Variants in APBB1IP observed in about 807,000 individuals in gnomAD.
The protein encoded by APBB1IP is amyloid beta A4 precursor protein-binding family B member 1-interacting protein.
A neutral mutation model predicts 64.9 loss-of-function variants in APBB1IP; 27 were observed. The observed-to-expected ratio is 0.42, with a 90% confidence interval of 0.31 to 0.57. The LOEUF is 0.57. APBB1IP is among the 20% of genes least tolerant of loss of function. APBB1IP has a pLI of 0.20. For synonymous variants in APBB1IP, 392 were observed against 331.0 expected (o/e 1.18, Z -2.00); for missense variants, 812 against 845.5 (o/e 0.96, Z 0.49).
intron 11 of APBB1IP, among the ~76,000 whole-genome samples, chr10:26,544,858 T>C (rs1370975843): frequency 6.6e-6 from 1 of 152,198 alleles, no homozygotes. Flanking sequence ...CCAGAATTTC[T>C]AAAACTTCCT....
In APBB1IP at chr10:26,567,582, G is replaced by T; in HGVS notation, c.*94G>T. ...TTGCCCTGACATCTTGTTCATTTCA[G>T]ATAAAATGTGATGGGAAACTTCTCA... On this transcript the variant is annotated 3_prime_UTR_variant, in exon 15 of 15. Transcript: ENST00000376236. The T allele has an allele frequency of 6.9e-7, 1 of 1,458,424 alleles. No individual in the cohort carries two copies. The highest frequency in any genetic ancestry group is 9.2e-7 in the Non-Finnish European group (1 of 1,085,214). The allele number at this position is 1,458,424 out of a possible 1,614,324, so 90.3% of individuals were successfully genotyped here. A position where few individuals can be genotyped will look rare whatever the true frequency, so the allele number is the denominator to read the frequency against.
chr10:26,451,239 T>A (rs1835462271), intron 2 of APBB1IP, among the ~76,000 whole-genome samples: 1 of 152,140 alleles, frequency 6.6e-6, no homozygotes, highest in South Asian at 2.1e-4. Context: ...GGAGTCACAT[T>A]AGAGTTGCCT....
chr10:26,461,978 T>A (rs969808671), intron 2 of APBB1IP, among the ~76,000 whole-genome samples: 3 of 152,250 alleles, frequency 2.0e-5, no homozygotes, highest in Non-Finnish European at 2.9e-5. Flanking sequence ...GAATTGTTTA[T>A]GTAGACAATT....
At chr10:26,454,311 G>A (rs1050132118) in intron 2 of APBB1IP, among the ~76,000 whole-genome samples, 1 of 151,874 alleles carries the variant, frequency 6.6e-6, no homozygotes, top group African/African-American at 2.4e-5. Flanking sequence ...CGTGGTGGTG[G>A]ATGCCTGTAG....
intron 8 of APBB1IP, among the ~76,000 whole-genome samples, chr10:26,528,176 G>T (rs991973252): frequency 5.9e-5 from 9 of 152,138 alleles, no homozygotes; most frequent in Admixed American, 5.9e-4. Flanking sequence ...CAAACCCAAC[G>T]TAAGTGAAGC....
chr10:26,563,442 G>A (rs541885142), intron 14 of APBB1IP, among the ~76,000 whole-genome samples: 44 of 152,158 alleles, frequency 2.9e-4, no homozygotes, highest in Non-Finnish European at 6.0e-4. Context: ...ACATCCCCAG[G>A]TGATGGAGGA....
intron 2 of APBB1IP, among the ~76,000 whole-genome samples, chr10:26,444,407 G>A (rs960122870): frequency 2.6e-5 from 4 of 152,180 alleles, no homozygotes; most frequent in African/African-American, 9.7e-5. Flanking sequence ...CACTCTGACT[G>A]CTTGAGAATA....
intron 14 of APBB1IP, among the ~76,000 whole-genome samples, chr10:26,566,433 T>G (rs1837044940): frequency 1.3e-5 from 2 of 152,164 alleles, no homozygotes; most frequent in South Asian, 4.1e-4. Context: ...TTTTGTATTT[T>G]TAAAGGAGAA....
At chr10:26,497,614 A>T (rs1035474196) in intron 4 of APBB1IP, among the ~76,000 whole-genome samples, 6 of 152,158 alleles carry the variant, frequency 3.9e-5, no homozygotes, top group African/African-American at 1.4e-4. Context: ...ACTCTGGAAA[A>T]AGATTTCCCA....
intron 2 of APBB1IP, among the ~76,000 whole-genome samples, chr10:26,469,969 C>T (rs1399534541): frequency 1.3e-5 from 2 of 152,128 alleles, no homozygotes; most frequent in Non-Finnish European, 2.9e-5. Context: ...CTAACTACAA[C>T]CAACAACAAC....
chr10:26,469,258 C>CTTTTTTTTTTTTTTTTTT (rs386361721), intron 2 of APBB1IP, among the ~76,000 whole-genome samples: 13 of 112,946 alleles, frequency 1.2e-4, no homozygotes, highest in African/African-American at 3.2e-4. Flanking sequence ...CTTTTCTTTT[C>CTTTTTTTTTTTTTTTTTT]TTTTTTTTTT....
intron 5 of APBB1IP, among the ~76,000 whole-genome samples, chr10:26,502,428 T>C (rs1836116114): frequency 6.6e-6 from 1 of 152,066 alleles, no homozygotes; most frequent in African/African-American, 2.4e-5. Context: ...GGTCATGAGG[T>C]CAGGAGATGG....
intron 2 of APBB1IP, among the ~76,000 whole-genome samples, chr10:26,491,076 T>G (rs555192808): frequency 6.6e-6 from 1 of 152,148 alleles, no homozygotes; most frequent in Admixed American, 6.5e-5. Flanking sequence ...GTCAGGAGTT[T>G]GAGACCAGCC....
chr10:26,438,900 G>A (rs1835309229), intron 2 of APBB1IP, 47 bp downstream of exon 2: 1 of 152,160 alleles, frequency 6.6e-6, no homozygotes, highest in African/African-American at 2.4e-5. Flanking sequence ...GCCAGCACGG[G>A]CCCCTCGGGG....
rs760566021 is a variant in APBB1IP, at chr10:26,567,149, GCCGCCGCCGCCA to G, written c.1674_1685del (p.Pro559_Pro562del). Reference sequence around the variant, plus strand: ...TGCCCGCCCCACCCGACGACTTCCTGCCGCCGCCGCCACCGCCGCCGCCCCTCGATGACCCTG... The same window carrying G: ...TGCCCGCCCCACCCGACGACTTCCTGCCGCCGCCGCCCCTCGATGACCCTG... On this transcript the variant is annotated inframe_deletion, in exon 15 of 15. Coordinates refer to ENST00000376236, the MANE Select transcript of APBB1IP (RefSeq NM_019043.4). The G allele has an allele frequency of 2.3e-4, 327 of 1,413,622 alleles. 4 individuals carry two copies. In the South Asian group the frequency reaches 4.3e-3, roughly 19 times the overall value. The allele number at this position is 1,413,622 out of a possible 1,614,324, so 87.6% of individuals were successfully genotyped here.
chr10:26,497,529 C>A (rs1405119027), intron 4 of APBB1IP, among the ~76,000 whole-genome samples: 1 of 151,190 alleles, frequency 6.6e-6, no homozygotes. Flanking sequence ...CCAACCTGGG[C>A]GGCAGAGCGA....
At chr10:26,507,707 T>A (rs999955903) in intron 6 of APBB1IP, among the ~76,000 whole-genome samples, 2 of 152,320 alleles carry the variant, frequency 1.3e-5, no homozygotes, top group African/African-American at 4.8e-5. Flanking sequence ...AAAGTAAACT[T>A]TCTAATTAGA....
intron 2 of APBB1IP, among the ~76,000 whole-genome samples, chr10:26,463,031 A>C (rs1196500660): frequency 6.6e-6 from 1 of 152,200 alleles, no homozygotes; most frequent in Non-Finnish European, 1.5e-5. Flanking sequence ...AGACAGATCT[A>C]CCCTTTGGGT....
At chr10:26,466,031 T>C (rs980744559) in intron 2 of APBB1IP, among the ~76,000 whole-genome samples, 1 of 152,194 alleles carries the variant, frequency 6.6e-6, no homozygotes, top group African/African-American at 2.4e-5. Context: ...ATCAGCTCCA[T>C]GATGTCTGTG....
Sources: allele counts gnomAD v4.1 joint callset (sites outside exome capture counted in the v4.1 genomes callset), GRCh38; gene constraint gnomAD v4.1.1; transcripts MANE v1.5; gene names NCBI Gene and HGNC (gene_info 2026-07-23, HGNC 2026-07-21).